The following USP50 variants were observed in gnomAD, a reference collection of about 807,000 sequenced individuals.
The protein encoded by USP50 is ubiquitin specific peptidase 50.
A neutral mutation model predicts 39.2 loss-of-function variants in USP50; 37 were observed. The ratio of observed to expected loss-of-function variants is 0.94; its 90% CI spans 0.73 to 1.24. The LOEUF (loss-of-function observed/expected upper bound fraction) is 1.24. USP50 is among the 50% of genes most tolerant of loss of function. The pLI is 0.00. For synonymous variants in USP50, 139 were observed against 144.5 expected (o/e 0.96, Z 0.27); for missense variants, 374 against 398.2 (o/e 0.94, Z 0.52).
downstream of USP50, chr15:50,498,868 T>C (rs749086322): frequency 1.3e-6 from 2 of 1,565,532 alleles, no homozygotes; most frequent in African/African-American, 2.8e-5. Context: ...CAATTTTAAC[T>C]GAATTGATTT....
downstream of USP50, among the ~76,000 whole-genome samples, chr15:50,498,105 CACCA>C (rs1244722491): frequency 2.0e-5 from 3 of 152,152 alleles, no homozygotes; most frequent in South Asian, 2.1e-4. Context: ...AACCATATTA[CACCA>C]ACCAAGATAT....
chr15:50,525,075 T>A (rs887303736), intron 6 of USP50, among the ~76,000 whole-genome samples: 10 of 152,304 alleles, frequency 6.6e-5, no homozygotes, highest in Non-Finnish European at 1.5e-4. Context: ...CATGATATAT[T>A]TGGAATACTA....
chr15:50,505,295 G>T (rs529962667), intron 6 of USP50: 9 of 152,222 alleles, frequency 5.9e-5, no homozygotes, highest in Admixed American at 2.0e-4. Context: ...GAAAGAAAAA[G>T]AGAGTTTACC....
At chr15:50,497,064 T>C, downstream of USP50, 1 of 1,585,046 alleles carries the variant, frequency 6.3e-7, no homozygotes, top group South Asian at 1.2e-5. Flanking sequence ...TTAACGAGTA[T>C]CTGCTACTTG....
At chr15:50,502,976 T>C (rs1271630178) in intron 6 of USP50, 1 of 152,248 alleles carries the variant, frequency 6.6e-6, no homozygotes, top group African/African-American at 2.4e-5. Flanking sequence ...GAGTTATTTA[T>C]TCAATATTCC....
chr15:50,519,859 G>A (rs1227729347), intron 6 of USP50, among the ~76,000 whole-genome samples: 1 of 152,148 alleles, frequency 6.6e-6, no homozygotes, highest in Non-Finnish European at 1.5e-5. Flanking sequence ...CAACCGTTAT[G>A]GAAAACCAGC....
intron 4 of USP50, among the ~76,000 whole-genome samples, chr15:50,540,149 ACTT>A (rs1323195479): frequency 6.6e-6 from 1 of 152,070 alleles, no homozygotes; most frequent in Non-Finnish European, 1.5e-5. Flanking sequence ...CTGCAAGAAA[ACTT>A]ATTGCTGTCC....
In USP50 at chr15:50,507,317, T is replaced by C. The variant is rs528913087; in HGVS notation, c.937-6480A>G. 3.3e-5 allele frequency: 5 copies of C among 152,418 alleles called. No individual in the cohort carries two copies. The East Asian group carries it at 7.7e-4, about 24-fold the overall frequency. 9.4% of individuals were successfully genotyped at this position (152,418 alleles called of 1,614,324 possible). A position where few individuals can be genotyped will look rare whatever the true frequency, so the allele number is the denominator to read the frequency against. On this transcript the variant is annotated intron_variant, in intron 6 of 6. Transcript: ENST00000532404. ...ACAACAACAACAACAAATCCAGTTC[T>C]ATGCACTATATAACATTTAGAACTC...
At chr15:50,508,530 C>A (rs772155219) in intron 6 of USP50, 68 of 152,130 alleles carry the variant, frequency 4.5e-4, no homozygotes, top group Non-Finnish European at 8.4e-4. Context: ...AAAGGATAGA[C>A]TGAGTGTTAA....
At chr15:50,514,693 TA>T (rs2052785841) in intron 6 of USP50, among the ~76,000 whole-genome samples, 1 of 151,790 alleles carries the variant, frequency 6.6e-6, no homozygotes, top group African/African-American at 2.4e-5. Flanking sequence ...CACACCCAGC[TA>T]ATTTTTTTTA....
chr15:50,543,832 T>G, intron 2 of USP50, 39 bp from the exon 3 acceptor site: 2 of 1,571,502 alleles, frequency 1.3e-6, no homozygotes, highest in Middle Eastern at 1.7e-4. Context: ...GCTGATTTAA[T>G]GAAAAGAAGG....
Position 50,545,813 on chromosome 15 carries a change from C to T in USP50, c.53+660G>A, listed in dbSNP as rs540972471. On this transcript the variant is annotated intron_variant, in intron 1 of 6. Coordinates refer to ENST00000532404, the MANE Select transcript of USP50 (RefSeq NM_203494.5). ...ATTATAGGATCTGGGATTCTATGTC[C>T]GTTTCTCATCTATAAAATAGGAATA... 1.2e-4 allele frequency among the ~76,000 whole-genome samples: 18 copies of T among 151,912 alleles called. No individual in the cohort carries two copies. In the South Asian group the frequency reaches 3.3e-3, roughly 28 times the overall value.
intron 5 of USP50, 98 bp downstream of exon 5, chr15:50,538,611 G>T: frequency 8.1e-7 from 1 of 1,238,142 alleles, no homozygotes; most frequent in Non-Finnish European, 1.1e-6. Flanking sequence ...AAATATCATT[G>T]AATTGTATAC....
chr15:50,499,167 A>C (rs2052525424), downstream of USP50: 25 of 1,402,428 alleles, frequency 1.8e-5, no homozygotes, highest in Admixed American at 2.4e-5. Context: ...GGATAATGGT[A>C]GCTATAGCTG....
chr15:50,546,635 TA>T lies in USP50; in HGVS notation c.-111del. 1 of 1,176,840 alleles carries T rather than the reference TA, an allele frequency of 8.5e-7. No individual in the cohort carries two copies. The allele number at this position is 1,176,840 out of a possible 1,614,324, so 72.9% of individuals were successfully genotyped here. A position where few individuals can be genotyped will look rare whatever the true frequency, so the allele number is the denominator to read the frequency against. On this transcript the variant is annotated 5_prime_UTR_variant, in exon 1 of 7. Transcript: ENST00000532404. ...CTGGCTTTTTGTTTTAAACAATTGA[TA>T]TGCTCCTCTCTCTTCCAGTAGCTGC...
intron 6 of USP50, among the ~76,000 whole-genome samples, chr15:50,523,174 G>GATTTTTTTTTT (rs1566906899): frequency 1.2e-5 from 1 of 83,964 alleles, no homozygotes; most frequent in African/African-American, 4.2e-5. Flanking sequence ...AAAATCAGTA[G>GATTTTTTTTTT]CTTTTTTTTT....
chr15:50,529,960 A>C, intron 5 of USP50, 31 bp from the exon 6 acceptor site: 1 of 1,610,992 alleles, frequency 6.2e-7, no homozygotes, highest in East Asian at 2.2e-5. Flanking sequence ...TGAAATACAA[A>C]GTAAGCTTGT....
intron 6 of USP50, among the ~76,000 whole-genome samples, chr15:50,526,110 G>A (rs191884374): frequency 6.6e-6 from 1 of 152,124 alleles, no homozygotes; most frequent in Admixed American, 6.6e-5. Flanking sequence ...TTAGGCCGGA[G>A]CGCAGTGGCA....
downstream of USP50, chr15:50,493,811 C>G: frequency 1.6e-5 from 10 of 610,442 alleles, no homozygotes; most frequent in South Asian, 1.5e-4. Flanking sequence ...TGCCAGAAGG[C>G]AGAACCTCGC....
Sources: allele counts gnomAD v4.1 joint callset (sites outside exome capture counted in the v4.1 genomes callset), GRCh38; gene constraint gnomAD v4.1.1; transcripts MANE v1.5; gene names NCBI Gene and HGNC (gene_info 2026-07-23, HGNC 2026-07-21).